GADL1: variants seen among roughly 807,000 people sequenced by gnomAD.
GADL1 encodes the protein acidic amino acid decarboxylase GADL1.
Under a neutral mutation model 69.5 loss-of-function variants are expected in GADL1, and 71 were observed. The ratio of observed to expected loss-of-function variants is 1.02; its 90% CI spans 0.84 to 1.25. GADL1 has a LOEUF of 1.25. Ranked by LOEUF, GADL1 falls within the 50% of genes most tolerant of loss-of-function variation. GADL1 has a pLI of 0.00. For synonymous variants in GADL1, 254 were observed against 214.4 expected (o/e 1.18, Z -1.62); for missense variants, 737 against 631.8 (o/e 1.17, Z -1.79).
At chr3:30,835,196 A>G (rs1697854111) in intron 9 of GADL1, among the ~76,000 whole-genome samples, 1 of 152,096 alleles carries the variant, frequency 6.6e-6, no homozygotes, top group Admixed American at 6.6e-5. Flanking sequence ...TTCAAAGCCC[A>G]TTCTCCTGTC....
At position 30,773,711 on chromosome 3, in the gene GADL1, C is replaced by T. The variant is rs150037935; in HGVS notation, c.1392+4468G>A. Reference sequence around the variant, plus strand: ...GCTCTTTATAGTTGAATAGTTTCTTCTGAAATATTTGCTATTTTAAAATAA... The same window carrying T: ...GCTCTTTATAGTTGAATAGTTTCTTTTGAAATATTTGCTATTTTAAAATAA... On this transcript the variant is annotated intron_variant, in intron 14 of 14. Coordinates refer to ENST00000282538, the MANE Select transcript of GADL1 (RefSeq NM_207359.3). Among the ~76,000 whole-genome samples the T allele has an allele frequency of 1.6e-3, 239 of 152,196 alleles. No individual in the cohort carries two copies. The South Asian group carries it at 0.019, about 12-fold the overall frequency.
chr3:30,790,467 C>A (rs1358879836), intron 12 of GADL1, among the ~76,000 whole-genome samples: 1 of 152,074 alleles, frequency 6.6e-6, no homozygotes, highest in Non-Finnish European at 1.5e-5. Flanking sequence ...TTACCACAAG[C>A]CCTCAATTTG....
chr3:30,870,108 T>C (rs1698459956), intron 1 of GADL1, among the ~76,000 whole-genome samples: 1 of 151,746 alleles, frequency 6.6e-6, no homozygotes, highest in Admixed American at 6.6e-5. Flanking sequence ...GGTTGAGCAA[T>C]GAACAAGAAA....
intron 1 of GADL1, among the ~76,000 whole-genome samples, chr3:30,870,244 C>T (rs1419361805): frequency 6.6e-6 from 1 of 151,570 alleles, no homozygotes; most frequent in Non-Finnish European, 1.5e-5. Context: ...GGACAAGGAG[C>T]TATTGTAGAT....
intron 14 of GADL1, among the ~76,000 whole-genome samples, chr3:30,775,946 A>AT (rs1696526458): frequency 6.6e-6 from 1 of 152,142 alleles, no homozygotes; most frequent in African/African-American, 2.4e-5. Flanking sequence ...TCAGCTAAGC[A>AT]TGATGGTGGG....
At chr3:30,777,251 TAA>T (rs564268499) in intron 14 of GADL1, among the ~76,000 whole-genome samples, 1 of 147,862 alleles carries the variant, frequency 6.8e-6, no homozygotes, top group African/African-American at 2.5e-5. Flanking sequence ...AAATTGCTTT[TAA>T]AAAAAAAACG....
At chr3:30,777,324 TAA>T (rs1196600348) in intron 14 of GADL1, among the ~76,000 whole-genome samples, 1 of 152,166 alleles carries the variant, frequency 6.6e-6, no homozygotes, top group African/African-American at 2.4e-5. Context: ...ACCAGGGTCA[TAA>T]AGTCAGCTGT....
At chr3:30,732,060 A>T (rs1188731699) in intron 14 of GADL1, among the ~76,000 whole-genome samples, 5 of 152,200 alleles carry the variant, frequency 3.3e-5, no homozygotes, top group Non-Finnish European at 5.9e-5. Flanking sequence ...CGTTCTCACT[A>T]ACAGTCAGCT....
chr3:30,810,298 A>G (rs576053533), intron 11 of GADL1, among the ~76,000 whole-genome samples: 1 of 152,300 alleles, frequency 6.6e-6, no homozygotes, highest in South Asian at 2.1e-4. Flanking sequence ...AATGCTTTTA[A>G]CTTCACAGCT....
At chr3:30,830,708 T>G (rs1697773277) in intron 11 of GADL1, among the ~76,000 whole-genome samples, 1 of 152,034 alleles carries the variant, frequency 6.6e-6, no homozygotes, top group Non-Finnish European at 1.5e-5. Context: ...AACAATTCTG[T>G]AATAGACTTT....
intron 14 of GADL1, among the ~76,000 whole-genome samples, chr3:30,734,996 T>C (rs907374290): frequency 3.3e-5 from 5 of 152,174 alleles, no homozygotes; most frequent in Admixed American, 2.6e-4. Context: ...TCAGGTACCA[T>C]CTAAATCTCT....
intron 14 of GADL1, among the ~76,000 whole-genome samples, chr3:30,761,990 A>G (rs1696147313): frequency 6.6e-6 from 1 of 152,220 alleles, no homozygotes; most frequent in South Asian, 2.1e-4. Flanking sequence ...AAACCAAGGC[A>G]CAAAAGAGCC....
intron 1 of GADL1, among the ~76,000 whole-genome samples, chr3:30,867,699 ATGAGATTC>A (rs1698424204): frequency 6.6e-6 from 1 of 151,902 alleles, no homozygotes; most frequent in Non-Finnish European, 1.5e-5. Context: ...TGAAGGATCA[ATGAGATTC>A]TGCTTTATGG....
chr3:30,839,514 C>CAAAAAAAAAAAAAAAAAAA lies in GADL1; in HGVS notation c.787-402_787-401insTTTTTTTTTTTTTTTTTTT, dbSNP rs764490080. On this transcript the variant is annotated intron_variant, in intron 8 of 14. Coordinates refer to ENST00000282538, the MANE Select transcript of GADL1 (RefSeq NM_207359.3). ...CATTGTGCCATCATTGTCATCTTCT[C>CAAAAAAAAAAAAAAAAAAA]AAAAAAAAAAAAAGGTTGGAAGACA... 1.5e-3 allele frequency among the ~76,000 whole-genome samples: 158 copies of CAAAAAAAAAAAAAAAAAAA among 105,614 alleles called. 22 individuals are homozygous for CAAAAAAAAAAAAAAAAAAA. Among genetic ancestry groups the CAAAAAAAAAAAAAAAAAAA allele is most frequent in the African/African-American group, 7.3e-3 (148 of 20,314 alleles). 69.3% of individuals were successfully genotyped at this position (105,614 alleles called of 152,430 possible). A position where few individuals can be genotyped will look rare whatever the true frequency, so the allele number is the denominator to read the frequency against.
chr3:30,760,975 A>AAATT (rs5847625), intron 14 of GADL1, among the ~76,000 whole-genome samples: 2 of 150,436 alleles, frequency 1.3e-5, no homozygotes, highest in Non-Finnish European at 3.0e-5. Context: ...ATGGCTAATA[A>AAATT]ATATTTACCT....
intron 11 of GADL1, among the ~76,000 whole-genome samples, chr3:30,823,278 G>T (rs923352035): frequency 6.6e-6 from 1 of 151,930 alleles, no homozygotes; most frequent in Non-Finnish European, 1.5e-5. Context: ...CAAAGATTGA[G>T]GTCCTGTGTC....
chr3:30,752,359 AATCT>A (rs1283556077), intron 14 of GADL1, among the ~76,000 whole-genome samples: 2 of 151,692 alleles, frequency 1.3e-5, no homozygotes, highest in African/African-American at 4.9e-5. Context: ...GTTTAAGCAC[AATCT>A]ATTTAAGTGG....
intron 11 of GADL1, among the ~76,000 whole-genome samples, chr3:30,814,353 C>G (rs770408329): frequency 1.3e-5 from 2 of 152,194 alleles, no homozygotes; most frequent in Non-Finnish European, 2.9e-5. Flanking sequence ...AAACCCACAT[C>G]TCTGGATGTT....
At chr3:30,794,127 G>A (rs940703953) in intron 12 of GADL1, among the ~76,000 whole-genome samples, 13 of 152,184 alleles carry the variant, frequency 8.5e-5, no homozygotes, top group Non-Finnish European at 1.3e-4. Context: ...AAGCACCATT[G>A]TGTAACTGCT....
Sources: allele counts gnomAD v4.1 joint callset (sites outside exome capture counted in the v4.1 genomes callset), GRCh38; gene constraint gnomAD v4.1.1; transcripts MANE v1.5; gene names NCBI Gene and HGNC (gene_info 2026-07-23, HGNC 2026-07-21).